SGCG: variants seen among roughly 807,000 people sequenced by gnomAD.
SGCG encodes the protein sarcoglycan gamma, also known as gamma-sarcoglycan.
In SGCG, 26 loss-of-function variants were observed where a neutral mutation model predicts 29.3. That is an observed-to-expected ratio of 0.89 (90% CI 0.65 to 1.23). The LOEUF (loss-of-function observed/expected upper bound fraction) is 1.23, where lower values mean the gene tolerates loss of function less well. SGCG is among the 50% of genes most tolerant of loss of function. SGCG has a pLI of 0.00. For missense variants in SGCG, 353 were observed against 356.0 expected, an observed-to-expected ratio of 0.99 and a Z score of 0.07; for synonymous variants, 145 against 129.7, an observed-to-expected ratio of 1.12 and a Z score of -0.80.
chr13:23,303,189 T>TG (rs2137495877), intron 6 of SGCG, among the ~76,000 whole-genome samples: 1 of 67,378 alleles, frequency 1.5e-5, no homozygotes, highest in South Asian at 5.4e-4. Flanking sequence ...AATGAGCATG[T>TG]CTTTCTTTAT....
intron 6 of SGCG, among the ~76,000 whole-genome samples, chr13:23,305,677 A>G (rs995981964): frequency 6.6e-6 from 1 of 152,220 alleles, no homozygotes; most frequent in African/African-American, 2.4e-5. Context: ...AAGAAAGCAC[A>G]TATCAATTTC....
intron 6 of SGCG, among the ~76,000 whole-genome samples, chr13:23,312,986 T>G (rs1566043796): frequency 6.6e-6 from 1 of 152,204 alleles, no homozygotes; most frequent in Non-Finnish European, 1.5e-5. Flanking sequence ...GAGTTACCCA[T>G]TCTTCAGCCA....
At chr13:23,211,645 A>G (rs1254496201) in intron 2 of SGCG, among the ~76,000 whole-genome samples, 2 of 152,168 alleles carry the variant, frequency 1.3e-5, no homozygotes, top group Non-Finnish European at 2.9e-5. Context: ...GAGTGGATCC[A>G]TTCCTATTGC....
chr13:23,314,081 T>C (rs969344202), intron 6 of SGCG, among the ~76,000 whole-genome samples: 2 of 152,070 alleles, frequency 1.3e-5, no homozygotes, highest in East Asian at 1.9e-4. Context: ...CTTGTGATCA[T>C]GTAAGTTAAT....
chr13:23,295,109 C>T (rs1039837817), intron 5 of SGCG, among the ~76,000 whole-genome samples: 2 of 152,110 alleles, frequency 1.3e-5, no homozygotes, highest in African/African-American at 4.8e-5. Context: ...ATGCAATTTT[C>T]AGAAGGACTT....
chr13:23,277,398 A>T (rs931849116), intron 4 of SGCG, among the ~76,000 whole-genome samples: 11 of 144,882 alleles, frequency 7.6e-5, no homozygotes, highest in Non-Finnish European at 1.5e-4. Context: ...ATACCAAAAA[A>T]TAAAGTGAAG....
intron 3 of SGCG, among the ~76,000 whole-genome samples, chr13:23,237,284 AAG>A (rs1242486113): frequency 6.6e-6 from 1 of 152,212 alleles, no homozygotes; most frequent in Non-Finnish European, 1.5e-5. Flanking sequence ...TTTAAACAAA[AAG>A]GGTTTTAAAA....
At position 23,279,709 on chromosome 13, in the gene SGCG, C is replaced by CCCTTCCTTCCTTCCTTCCTT. The variant is rs146797198; in HGVS notation, c.505+242_505+243insTCCTTCCTTCCTTCCTTCCT. Among the ~76,000 whole-genome samples, 115 of 148,140 alleles carry CCCTTCCTTCCTTCCTTCCTT rather than the reference C, an allele frequency of 7.8e-4. 2 individuals carry two copies. The highest frequency in any genetic ancestry group is 1.2e-3 in the Non-Finnish European group (79 of 66,262). Reference sequence around the variant, plus strand: ...CTTCCATCACAGTTTTACCCTTTGTCCCTTCCTTCCTCCCTTCCTTCTTTT... The same window carrying CCCTTCCTTCCTTCCTTCCTT: ...CTTCCATCACAGTTTTACCCTTTGTCCCTTCCTTCCTTCCTTCCTTCCTTCCTTCCTCCCTTCCTTCTTTT... On this transcript the variant is annotated intron_variant, in intron 5 of 7. Transcript: ENST00000218867.
intron 2 of SGCG, among the ~76,000 whole-genome samples, chr13:23,232,970 A>G (rs1259488832): frequency 6.6e-6 from 1 of 152,240 alleles, no homozygotes; most frequent in Non-Finnish European, 1.5e-5. Flanking sequence ...CACTGTTAGA[A>G]TATAAAATTG....
At chr13:23,306,180 GTT>G (rs1182740832) in intron 6 of SGCG, among the ~76,000 whole-genome samples, 2 of 152,078 alleles carry the variant, frequency 1.3e-5, no homozygotes, top group African/African-American at 4.8e-5. Context: ...TGATTATAAA[GTT>G]TAAGTAACCC....
At chr13:23,235,285 G>T (rs1170355758) in intron 3 of SGCG, among the ~76,000 whole-genome samples, 1 of 151,846 alleles carries the variant, frequency 6.6e-6, no homozygotes. Context: ...CTTGAACCCA[G>T]GAAGCAGAGG....
At chr13:23,292,677 A>C (rs1881762174) in intron 5 of SGCG, among the ~76,000 whole-genome samples, 1 of 152,246 alleles carries the variant, frequency 6.6e-6, no homozygotes, top group Non-Finnish European at 1.5e-5. Context: ...TTTATATAAA[A>C]ATAGAGAAAA....
intron 4 of SGCG, among the ~76,000 whole-genome samples, chr13:23,274,513 C>A (rs890149277): frequency 4.6e-5 from 7 of 150,946 alleles, no homozygotes; most frequent in African/African-American, 1.7e-4. Flanking sequence ...AGCTCCACCC[C>A]CCAGGTTGAC....
At chr13:23,312,070 CT>C (rs1219454784) in intron 6 of SGCG, among the ~76,000 whole-genome samples, 1 of 152,178 alleles carries the variant, frequency 6.6e-6, no homozygotes, top group African/African-American at 2.4e-5. Context: ...CCTTCTGTGT[CT>C]CTGCGGACTC....
chr13:23,183,127 A>G (rs1021808982), intron 1 of SGCG, among the ~76,000 whole-genome samples: 17 of 152,172 alleles, frequency 1.1e-4, no homozygotes, highest in African/African-American at 3.9e-4. Context: ...CTTAATTTCT[A>G]TGTCTCAGTT....
At chr13:23,283,269 T>C (rs1162886922) in intron 5 of SGCG, among the ~76,000 whole-genome samples, 1 of 152,240 alleles carries the variant, frequency 6.6e-6, no homozygotes, top group East Asian at 1.9e-4. Flanking sequence ...TTTGTAGGTC[T>C]CTAAGAACTT....
intron 5 of SGCG, among the ~76,000 whole-genome samples, chr13:23,287,879 C>G (rs574853528): frequency 6.6e-6 from 1 of 152,010 alleles, no homozygotes; most frequent in South Asian, 2.1e-4. Context: ...CTCATCCTCC[C>G]GAGTAGCTGA....
intron 2 of SGCG, among the ~76,000 whole-genome samples, chr13:23,218,735 T>G (rs1303195469): frequency 6.6e-6 from 1 of 151,948 alleles, no homozygotes; most frequent in Non-Finnish European, 1.5e-5. Context: ...GGTATTGTGC[T>G]GCTTTTATTG....
At chr13:23,211,278 G>A (rs538461) in intron 2 of SGCG, among the ~76,000 whole-genome samples, 2 of 152,104 alleles carry the variant, frequency 1.3e-5, no homozygotes, top group Admixed American at 6.5e-5. Context: ...GAGGAGAGGA[G>A]CCAGAAGCCT....
Sources: allele counts gnomAD v4.1 joint callset (sites outside exome capture counted in the v4.1 genomes callset), GRCh38; gene constraint gnomAD v4.1.1; transcripts MANE v1.5; gene names NCBI Gene and HGNC (gene_info 2026-07-23, HGNC 2026-07-21).